CAPRIN1: variants seen among roughly 807,000 people sequenced by gnomAD.
CAPRIN1 encodes caprin-1.
A neutral mutation model predicts 100.9 loss-of-function variants in CAPRIN1; 29 were observed. The ratio of observed to expected loss-of-function variants is 0.29; its 90% CI spans 0.21 to 0.39. The LOEUF is 0.39. Ranked by LOEUF, CAPRIN1 falls within the 10% of genes least tolerant of loss-of-function variation. The pLI is 1.00. For missense variants in CAPRIN1, 795 were observed against 876.7 expected (o/e 0.91, Z 1.18); for synonymous variants, 338 against 307.5 (o/e 1.10, Z -1.04).
intron 18 of CAPRIN1, chr11:34,098,062 T>C: frequency 9.4e-7 from 1 of 1,065,356 alleles, no homozygotes; most frequent in Non-Finnish European, 1.1e-6. Flanking sequence ...TAAATGTTTT[T>C]AGGAAGTACT....
intron 9 of CAPRIN1, among the ~76,000 whole-genome samples, chr11:34,085,169 G>C (rs1851113557): frequency 6.6e-6 from 1 of 152,114 alleles, no homozygotes; most frequent in South Asian, 2.1e-4. Flanking sequence ...ATAAAAGATA[G>C]GATTTCCTTG....
intron 15 of CAPRIN1, among the ~76,000 whole-genome samples, chr11:34,095,590 A>T (rs1384052996): frequency 6.6e-6 from 1 of 152,196 alleles, no homozygotes; most frequent in Admixed American, 6.5e-5. Context: ...TCTCTGCCCC[A>T]AAAGGGGAGA....
In CAPRIN1 at chr11:34,052,730, TCGGGAGCGTTACTA is replaced by T. The variant is rs1850352349; in HGVS notation, c.216+95_216+108del. The stretch of plus-strand genomic sequence containing the variant: ...GCTGGAGCCTTCGCTTCTTTTCGTC[TCGGGAGCGTTACTA>T]GGTCCCCTCCTCCCACCCCCTGGCC... On this transcript the variant is annotated intron_variant, in intron 2 of 18. Transcript: ENST00000341394. 1.6e-5 allele frequency: 23 copies of T among 1,453,122 alleles called. No individual in the cohort carries two copies. The South Asian group carries it at 2.6e-4, about 16-fold the overall frequency. The allele number at this position is 1,453,122 out of a possible 1,614,324, so 90.0% of individuals were successfully genotyped here.
chr11:34,052,895 G>T, intron 2 of CAPRIN1: 1 of 1,347,100 alleles, frequency 7.4e-7, no homozygotes, highest in Non-Finnish European at 9.5e-7. Context: ...CTTCCGCTGT[G>T]GGTCCGGCTT....
chr11:34,065,869 G>A lies in CAPRIN1; in HGVS notation c.217-5857G>A, dbSNP rs187217081. ...TTTCCTGAAGCTTAGGCAAGGACAG[G>A]GGATAGGATATTTATAATAGTAGTG... On this transcript the variant is annotated intron_variant, in intron 2 of 18. Coordinates refer to ENST00000341394, the MANE Select transcript of CAPRIN1 (RefSeq NM_005898.5). Among the ~76,000 whole-genome samples the A allele has an allele frequency of 2.6e-3, 393 of 151,846 alleles. 1 individual carries two copies. The highest frequency in any genetic ancestry group is 5.2e-3 in the Admixed American group (79 of 15,296).
At chr11:34,080,090 T>C (rs1590736024) in intron 7 of CAPRIN1, among the ~76,000 whole-genome samples, 1 of 151,820 alleles carries the variant, frequency 6.6e-6, no homozygotes, top group Non-Finnish European at 1.5e-5. Flanking sequence ...CGCCCGGCTA[T>C]TTTTTTGAAT....
Position 34,052,540 on chromosome 11 carries a change from G to A in CAPRIN1, c.120G>A (p.Gln40=), listed in dbSNP as rs747203088. The change falls in exon 2 of 19, where the codon CAG becomes CAA. Residue 40 remains glutamine, a synonymous_variant. Coordinates refer to ENST00000341394, the MANE Select transcript of CAPRIN1 (RefSeq NM_005898.5). The part of the protein sequence containing the change: ...AGAGAAAPAS[Q]HPATGTGAVQ... ...CCGGGGCCGCCGCGCCGGCTTCTCAGCACCCCGCAACCGGCACCGGCGCTG... is the reference window on the plus strand; with the variant it reads ...CCGGGGCCGCCGCGCCGGCTTCTCAACACCCCGCAACCGGCACCGGCGCTG... 4 of 1,608,394 alleles carry A rather than the reference G, an allele frequency of 2.5e-6. No homozygotes were observed. The South Asian group carries it at 4.4e-5, about 18-fold the overall frequency.
rs536424387 is a variant in CAPRIN1, at chr11:34,084,956, G to A, written c.967-1108G>A. Among the ~76,000 whole-genome samples, 4 of 151,878 alleles carry A rather than the reference G, an allele frequency of 2.6e-5. No homozygotes were observed. In the South Asian group the frequency reaches 8.3e-4, roughly 32 times the overall value. The stretch of plus-strand genomic sequence containing the variant: ...GTGGTTTGTTCTTTGTATCTAGTAG[G>A]TGGGCCTTTCTAAAGGCTATCCACA... On this transcript the variant is annotated intron_variant, in intron 9 of 18. Transcript: ENST00000341394.
rs1376368256 is a variant in CAPRIN1 at position 34,075,037 on chromosome 11, T to C, written c.367-1199T>C. 2.6e-5 allele frequency among the ~76,000 whole-genome samples: 4 copies of C among 152,170 alleles called. No homozygotes were observed. The South Asian group carries it at 6.2e-4, about 24-fold the overall frequency. ...GCCTCAAAAAACTTTTTTTAAATTA[T>C]TTTTTTAAAAAAGACTTTTTTTTTT... On this transcript the variant is annotated intron_variant, in intron 4 of 18. Coordinates refer to ENST00000341394, the MANE Select transcript of CAPRIN1 (RefSeq NM_005898.5).
In CAPRIN1 at chr11:34,096,692, A is replaced by G. The variant is rs775203803; in HGVS notation, c.1900+19A>G. 2 of 1,567,720 alleles carry G rather than the reference A, an allele frequency of 1.3e-6. No homozygotes were observed. Among genetic ancestry groups the G allele is most frequent in the South Asian group, 2.3e-5 (2 of 86,772 alleles). ...TTCAGAGGTAAAAAAATAAAAAAGG[A>G]GGTTCTAATGACCTTTTACTAGTTC... On this transcript the variant is annotated intron_variant, in intron 16 of 18. Transcript: ENST00000341394.
At chr11:34,098,680 G>A (rs8191) in intron 18 of CAPRIN1, 90,527 of 985,012 alleles carry the variant, frequency 0.092, 4,417 homozygotes, top group African/African-American at 0.17. Flanking sequence ...ATCAAAGGAT[G>A]TTTGCATGTG....
chr11:34,092,765 G>A (rs771798450), intron 15 of CAPRIN1, among the ~76,000 whole-genome samples: 1 of 152,190 alleles, frequency 6.6e-6, no homozygotes. Context: ...GCTGCATTTC[G>A]TGGACTGGGT....
At chr11:34,083,207 G>A (rs1336240983) in intron 9 of CAPRIN1, among the ~76,000 whole-genome samples, 166 bp downstream of exon 9, 1 of 152,174 alleles carries the variant, frequency 6.6e-6, no homozygotes, top group African/African-American at 2.4e-5. Flanking sequence ...GTTTATCCCT[G>A]TGGATGTTTA....
rs191894780 is a variant in CAPRIN1 at position 34,099,491 on chromosome 11, T to C, written c.*124T>C. ...GGAAACTTATTGTAAAGGGACTGTTTTCATCCCATAAAGACAGGACTACAA... is the reference window on the plus strand; with the variant it reads ...GGAAACTTATTGTAAAGGGACTGTTCTCATCCCATAAAGACAGGACTACAA... On this transcript the variant is annotated 3_prime_UTR_variant, in exon 19 of 19. Transcript: ENST00000341394. The C allele has an allele frequency of 2.5e-4, 199 of 785,740 alleles. No individual in the cohort carries two copies. The highest frequency in any genetic ancestry group is 2.4e-3 in the African/African-American group (141 of 58,340). The allele number at this position is 785,740 out of a possible 1,614,324, so 48.7% of individuals were successfully genotyped here.
intron 7 of CAPRIN1, 143 bp downstream of exon 7, chr11:34,079,908 T>TTTTGTTTTTTG (rs1850983060): frequency 6.3e-4 from 1 of 1,596 alleles, no homozygotes; most frequent in African/African-American, 6.3e-3. Context: ...TGACAAAGTT[T>TTTTGTTTTTTG]TTTTTTTTTT....
In CAPRIN1 at chr11:34,058,320, A is replaced by G. The variant is rs188658035; in HGVS notation, c.216+5684A>G. On this transcript the variant is annotated intron_variant, in intron 2 of 18. Transcript: ENST00000341394. ...CCCAGCTAATTTTTGTATTTTTAGT[A>G]GAGACGGGGTTTTGCCATGTTGACC... is the stretch of plus-strand genomic sequence containing the variant. Among the ~76,000 whole-genome samples, 933 of 152,168 alleles carry G rather than the reference A, an allele frequency of 6.1e-3. 13 individuals carry two copies. Among genetic ancestry groups the G allele is most frequent in the African/African-American group, 0.021 (888 of 41,506 alleles).
intron 7 of CAPRIN1, 90 bp downstream of exon 7, chr11:34,079,855 C>A (rs1850977997): frequency 3.0e-5 from 31 of 1,045,904 alleles, no homozygotes; most frequent in Non-Finnish European, 3.4e-5. Context: ...ACTTAGTTTT[C>A]ATATATGTAC....
intron 4 of CAPRIN1, among the ~76,000 whole-genome samples, chr11:34,075,052 CTT>C (rs796579666): frequency 2.0e-5 from 3 of 146,906 alleles, no homozygotes; most frequent in Admixed American, 6.8e-5. Context: ...TTAAAAAAGA[CTT>C]TTTTTTTTTT....
intron 2 of CAPRIN1, among the ~76,000 whole-genome samples, chr11:34,060,709 C>T (rs886882507): frequency 3.3e-5 from 5 of 152,198 alleles, no homozygotes; most frequent in African/African-American, 1.2e-4. Flanking sequence ...TGGCAGCTAT[C>T]TTCAAATGCT....
Sources: gnomAD v4.1 joint callset for allele counts (sites outside exome capture counted in the v4.1 genomes callset) on GRCh38, gnomAD v4.1.1 for gene constraint, MANE v1.5 for transcripts, NCBI Gene and HGNC (gene_info 2026-07-23, HGNC 2026-07-21) for gene names.